The following AXDND1 variants were observed in gnomAD, a reference collection of about 807,000 sequenced individuals.
The protein encoded by AXDND1 is axonemal dynein light chain domain-containing protein 1.
In AXDND1, 110 loss-of-function variants were observed where a neutral mutation model predicts 137.5. That is an observed-to-expected ratio of 0.80 (90% CI 0.69 to 0.94). AXDND1 has a LOEUF of 0.94. Among genes scored for constraint, AXDND1 ranks in the 40% least tolerant of loss-of-function variants. AXDND1 has a pLI of 0.00. For missense variants in AXDND1, 1,191 were observed against 1,169.8 expected, an observed-to-expected ratio of 1.02 and a Z score of -0.26; for synonymous variants, 414 against 399.7, an observed-to-expected ratio of 1.04 and a Z score of -0.43.
intron 21 of AXDND1, among the ~76,000 whole-genome samples, chr1:179,516,231 G>A (rs1282560663): frequency 2.0e-5 from 3 of 151,980 alleles, no homozygotes; most frequent in African/African-American, 7.2e-5. Flanking sequence ...TCTTCTACTT[G>A]TTCAATTCTA....
chr1:179,374,934 A>C (rs1223400142), intron 4 of AXDND1, among the ~76,000 whole-genome samples: 2 of 152,108 alleles, frequency 1.3e-5, no homozygotes, highest in Non-Finnish European at 2.9e-5. Flanking sequence ...GTATGTAACA[A>C]ACCTGCACAT....
intron 25 of AXDND1, chr1:179,552,444 T>C: frequency 1.5e-6 from 1 of 677,446 alleles, no homozygotes; most frequent in Admixed American, 2.1e-5. Flanking sequence ...CAGGGGACTA[T>C]TAACACACTT....
intron 20 of AXDND1, among the ~76,000 whole-genome samples, chr1:179,502,251 A>T (rs1331794918): frequency 6.6e-6 from 1 of 152,196 alleles, no homozygotes; most frequent in Non-Finnish European, 1.5e-5. Flanking sequence ...ATCACTACTT[A>T]CATAACAAGC....
intron 4 of AXDND1, among the ~76,000 whole-genome samples, chr1:179,377,491 A>G (rs1444894612): frequency 1.3e-5 from 2 of 152,190 alleles, no homozygotes; most frequent in African/African-American, 4.8e-5. Context: ...GAAGTCTTAA[A>G]AGAGTCAATG....
intron 20 of AXDND1, among the ~76,000 whole-genome samples, chr1:179,494,168 T>C (rs1667214622): frequency 6.6e-6 from 1 of 152,128 alleles, no homozygotes; most frequent in Non-Finnish European, 1.5e-5. Flanking sequence ...ACCAGGCTGG[T>C]CTCAAACTCC....
chr1:179,451,236 G>T (rs1156726579), intron 16 of AXDND1: 1 of 151,766 alleles, frequency 6.6e-6, no homozygotes, highest in Non-Finnish European at 1.5e-5. Context: ...TTCATAGGTG[G>T]GTTTTTGATT....
chr1:179,536,131 CAGAT>C (rs759916052), intron 25 of AXDND1, among the ~76,000 whole-genome samples: 8 of 152,166 alleles, frequency 5.3e-5, no homozygotes, highest in Non-Finnish European at 1.2e-4. Flanking sequence ...AGCCCTTTGT[CAGAT>C]GGATAGATTG....
intron 11 of AXDND1, 78 bp downstream of exon 11, chr1:179,395,280 A>T (rs1650871974): frequency 1.9e-6 from 2 of 1,074,438 alleles, no homozygotes; most frequent in East Asian, 2.5e-5. Context: ...AATATATATG[A>T]TACTATAACT....
chr1:179,415,210 C>T (rs1194647271), intron 12 of AXDND1, among the ~76,000 whole-genome samples: 2 of 152,010 alleles, frequency 1.3e-5, no homozygotes, highest in Non-Finnish European at 2.9e-5. Flanking sequence ...GGCATATTGG[C>T]GGGTGTCTGT....
intron 15 of AXDND1, among the ~76,000 whole-genome samples, chr1:179,442,961 C>T (rs1027122119): frequency 1.3e-5 from 2 of 152,082 alleles, no homozygotes; most frequent in Non-Finnish European, 1.5e-5. Flanking sequence ...CACAGCGCTC[C>T]ATATGTATTA....
intron 15 of AXDND1, among the ~76,000 whole-genome samples, chr1:179,444,394 C>T (rs1001366982): frequency 4.8e-4 from 73 of 152,126 alleles, no homozygotes; most frequent in African/African-American, 1.7e-3. Context: ...TGCTCTTCTA[C>T]ACTGTCTCCC....
In AXDND1 at chr1:179,540,090, G is replaced by A. The variant is rs529872121; in HGVS notation, c.3031+5128G>A. Reference sequence around the variant, plus strand: ...CCTGGTTGTTCTAGTTAGCCATTTCGTCTAATCTTTTTTCAAGGTTTTTAG... The same window carrying A: ...CCTGGTTGTTCTAGTTAGCCATTTCATCTAATCTTTTTTCAAGGTTTTTAG... On this transcript the variant is annotated intron_variant, in intron 25 of 25. Transcript: ENST00000367618. Among the ~76,000 whole-genome samples the A allele has an allele frequency of 3.5e-4, 53 of 151,972 alleles. No individual in the cohort carries two copies. The South Asian group carries it at 7.1e-3, about 20-fold the overall frequency.
Position 179,393,991 on chromosome 1 carries a change from C to T in AXDND1, c.952C>T (p.Arg318Cys), listed in dbSNP as rs753955745. The change falls in exon 10 of 26, where the codon CGC becomes TGC. Residue 318 changes from arginine (R) to cysteine (C), a missense_variant. Physicochemically the swap from Arg to Cys is radical, Grantham distance 180 (BLOSUM62 -3). Coordinates refer to ENST00000367618, the MANE Select transcript of AXDND1 (RefSeq NM_144696.6). The stretch of plus-strand genomic sequence containing the variant: ...GGTAACTCAGCGAGTGATGGACCAG[C>T]GCATTTTAGAAGAATTGTATAATTT... Reference protein sequence around the residue: ...DLVTQRVMDQRILEELYNFKH... With the variant: ...DLVTQRVMDQCILEELYNFKH... 23 of 1,609,858 alleles carry T rather than the reference C, an allele frequency of 1.4e-5. No homozygotes were observed. Among genetic ancestry groups the T allele is most frequent in the African/African-American group, 4.0e-5 (3 of 74,554 alleles).
At position 179,541,554 on chromosome 1, in the gene AXDND1, C is replaced by G. The variant is rs533014658; in HGVS notation, c.3031+6592C>G. On this transcript the variant is annotated intron_variant, in intron 25 of 25. Transcript: ENST00000367618. Reference sequence around the variant, plus strand: ...GCATATAATAGTTATACAGGTAATACTTGTGAGTAGACAAACACATACAAC... The same window carrying G: ...GCATATAATAGTTATACAGGTAATAGTTGTGAGTAGACAAACACATACAAC... Among the ~76,000 whole-genome samples the G allele has an allele frequency of 1.7e-4, 26 of 151,352 alleles. No homozygotes were observed. In the East Asian group the frequency reaches 5.0e-3, roughly 29 times the overall value.
intron 9 of AXDND1, among the ~76,000 whole-genome samples, chr1:179,388,524 C>A (rs1018036627): frequency 6.6e-6 from 1 of 152,118 alleles, no homozygotes; most frequent in Non-Finnish European, 1.5e-5. Context: ...ACATTACTGT[C>A]TTCTCTAGGT....
intron 12 of AXDND1, among the ~76,000 whole-genome samples, chr1:179,419,632 A>G (rs1655352150): frequency 2.8e-5 from 1 of 35,744 alleles, no homozygotes; most frequent in Admixed American, 3.3e-4. Context: ...GATGGTGGGG[A>G]GAGGGAGAGG....
chr1:179,553,146 G>A (rs2125773961), intron 25 of AXDND1, among the ~76,000 whole-genome samples: 1 of 152,312 alleles, frequency 6.6e-6, no homozygotes, highest in African/African-American at 2.4e-5. Context: ...GTACAAAATT[G>A]TCTTTTGACC....
intron 12 of AXDND1, among the ~76,000 whole-genome samples, chr1:179,425,410 A>T (rs1656399027): frequency 6.6e-6 from 1 of 152,192 alleles, no homozygotes. Flanking sequence ...CCTCTCTCAC[A>T]TGGAGTCTCC....
At chr1:179,445,641 G>C (rs958912378) in intron 16 of AXDND1, among the ~76,000 whole-genome samples, 57 of 151,928 alleles carry the variant, frequency 3.8e-4, no homozygotes, top group African/African-American at 1.4e-3. Flanking sequence ...CTTTCACTTG[G>C]GATAATGTTT....
Sources: gnomAD v4.1 joint callset for allele counts (sites outside exome capture counted in the v4.1 genomes callset) on GRCh38, gnomAD v4.1.1 for gene constraint, MANE v1.5 for transcripts, NCBI Gene and HGNC (gene_info 2026-07-23, HGNC 2026-07-21) for gene names.